UGT1A8: variants seen among roughly 807,000 people sequenced by gnomAD.
UGT1A8 encodes UDP glucuronosyltransferase family 1 member A8.
UGT1A8 carries 39 observed loss-of-function variants against 45.3 expected under a neutral mutation model. That is an observed-to-expected ratio of 0.86 (90% CI 0.67 to 1.12). The LOEUF is 1.12. Ranked by LOEUF, UGT1A8 falls within the 50% of genes most tolerant of loss-of-function variation. The pLI is 0.00. For missense variants in UGT1A8, 719 were observed against 664.9 expected (o/e 1.08, Z -0.90); for synonymous variants, 275 against 249.2 (o/e 1.10, Z -0.97).
At chr2:233,684,065 A>G (rs899835488) in intron 1 of UGT1A8, among the ~76,000 whole-genome samples, 9 of 152,174 alleles carry the variant, frequency 5.9e-5, no homozygotes, top group African/African-American at 2.2e-4. Context: ...GTCTGATCTA[A>G]GTATATTATT....
At chr2:233,723,300 C>G (rs2077076246) in intron 1 of UGT1A8, among the ~76,000 whole-genome samples, 1 of 117,154 alleles carries the variant, frequency 8.5e-6, no homozygotes, top group South Asian at 3.3e-4. Flanking sequence ...ACCTCTGCCT[C>G]CCAGGTTCAA....
chr2:233,768,108 G>A (rs1445815158), intron 3 of UGT1A8, 112 bp from the exon 4 acceptor site: 1 of 1,594,814 alleles, frequency 6.3e-7, no homozygotes, highest in Non-Finnish European at 8.6e-7. Flanking sequence ...GCAAATTTCT[G>A]CAAGGGCATG....
intron 1 of UGT1A8, among the ~76,000 whole-genome samples, chr2:233,635,681 C>A (rs1369492283): frequency 6.6e-6 from 1 of 150,874 alleles, no homozygotes; most frequent in Non-Finnish European, 1.5e-5. Context: ...GAGATGGCAT[C>A]ACCTCTGACT....
At chr2:233,759,500 CTAA>C (rs1055153309) in intron 1 of UGT1A8, among the ~76,000 whole-genome samples, 11 of 152,162 alleles carry the variant, frequency 7.2e-5, no homozygotes, top group Non-Finnish European at 1.6e-4. Flanking sequence ...CAGGTTCACA[CTAA>C]TAAAGGCCTG....
At chr2:233,719,688 G>A in intron 1 of UGT1A8, 1 of 1,614,002 alleles carries the variant, frequency 6.2e-7, no homozygotes, top group Non-Finnish European at 8.5e-7. Context: ...ACTATCTCAG[G>A]TCTGTATTGG....
intron 1 of UGT1A8, among the ~76,000 whole-genome samples, chr2:233,630,817 T>A (rs2073173096): frequency 6.6e-6 from 1 of 152,058 alleles, no homozygotes; most frequent in South Asian, 2.1e-4. Flanking sequence ...CATACTTTTT[T>A]TTTTTTCCTG....
rs1042581 is a variant in UGT1A8, at chr2:233,617,910, A to C, written c.203A>C (p.Lys68Thr). The C allele has an allele frequency of 6.2e-7, 1 of 1,614,010 alleles. No homozygotes were observed. The highest frequency in any genetic ancestry group is 1.3e-5 in the African/African-American group (1 of 74,896). ...VMPEVSWQLG[K>T]SLNCTVKTYS... ...CCAGAGGTGAGTTGGCAACTGGGAA[A>C]ATCACTGAATTGCACAGTGAAGACT... The change falls in exon 1 of 5, where the codon AAA (lysine) becomes ACA (threonine). Residue 68 changes from lysine to threonine, a missense_variant. Transcript: ENST00000373450.
rs1126803 is a variant in UGT1A8, at chr2:233,618,341, A to T, written c.634A>T (p.Met212Leu). 1 of 1,613,948 alleles carries T rather than the reference A, an allele frequency of 6.2e-7. No individual in the cohort carries two copies. The highest frequency in any genetic ancestry group is 8.5e-7 in the Non-Finnish European group (1 of 1,179,858). The change falls in exon 1 of 5, where the codon ATG becomes TTG. Residue 212 changes from methionine (M) to leucine (L), a missense_variant. Physicochemically the swap from Met to Leu is conservative, Grantham distance 15. Transcript: ENST00000373450. Reference sequence around the variant, plus strand: ...CAAGGAGAGAGTACGGAACCACATCATGCACTTGGAGGAACATTTATTTTG... The same window carrying T: ...CAAGGAGAGAGTACGGAACCACATCTTGCACTTGGAGGAACATTTATTTTG... ...TFKERVRNHI[M>L]HLEEHLFCQY...
At chr2:233,654,029 C>A (rs1045644086) in intron 1 of UGT1A8, among the ~76,000 whole-genome samples, 34 of 152,330 alleles carry the variant, frequency 2.2e-4, no homozygotes, top group Admixed American at 2.2e-3. Context: ...TCCATGGAGT[C>A]AAATTTGTGA....
At chr2:233,655,704 G>A (rs868004381) in intron 1 of UGT1A8, among the ~76,000 whole-genome samples, 15 of 152,172 alleles carry the variant, frequency 9.9e-5, no homozygotes, top group African/African-American at 3.1e-4. Flanking sequence ...ACGCCTCTCT[G>A]GCCTCAGGGT....
At chr2:233,724,346 C>A (rs1441595042) in intron 1 of UGT1A8, among the ~76,000 whole-genome samples, 1 of 148,192 alleles carries the variant, frequency 6.7e-6, no homozygotes, top group East Asian at 2.1e-4. Flanking sequence ...GCTGACCCCC[C>A]CCACCTCCCT....
intron 1 of UGT1A8, among the ~76,000 whole-genome samples, chr2:233,662,842 G>T: frequency 6.9e-6 from 1 of 144,730 alleles, no homozygotes; most frequent in Admixed American, 6.9e-5. Flanking sequence ...TGTCAGATAT[G>T]AATTTTGGAC....
intron 1 of UGT1A8, chr2:233,755,670 G>A (rs1695987366): frequency 6.3e-6 from 1 of 158,018 alleles, no homozygotes. Flanking sequence ...AGAGGGTGGT[G>A]GGAGTGAGTT....
At chr2:233,681,934 T>A in intron 1 of UGT1A8, 1 of 1,611,342 alleles carries the variant, frequency 6.2e-7, no homozygotes. Flanking sequence ...GCTGAAGTTC[T>A]CTGATGGCTC....
chr2:233,661,683 T>TTTCTTTCTTTCTTTC (rs1559329478), intron 1 of UGT1A8, among the ~76,000 whole-genome samples: 4 of 39,388 alleles, frequency 1.0e-4, no homozygotes, highest in African/African-American at 3.6e-4. Flanking sequence ...TTCTTTCTTT[T>TTTCTTTCTTTCTTTC]TAAACAAAGG....
intron 1 of UGT1A8, among the ~76,000 whole-genome samples, chr2:233,695,500 T>C (rs1423604345): frequency 2.0e-5 from 3 of 152,070 alleles, no homozygotes; most frequent in African/African-American, 4.8e-5. Context: ...ATCAAAGTTT[T>C]TGGAGTATTA....
At chr2:233,717,422 G>A (rs1452030789) in intron 1 of UGT1A8, among the ~76,000 whole-genome samples, 1 of 152,202 alleles carries the variant, frequency 6.6e-6, no homozygotes, top group African/African-American at 2.4e-5. Context: ...CTTGAGCTGG[G>A]TGTCCCTCTG....
intron 1 of UGT1A8, among the ~76,000 whole-genome samples, chr2:233,737,122 TTGTC>T (rs1485045027): frequency 6.6e-6 from 1 of 152,146 alleles, no homozygotes; most frequent in Admixed American, 6.5e-5. Context: ...TGTTCAGAAG[TTGTC>T]TGCTGCCTTT....
chr2:233,681,746 A>G, intron 1 of UGT1A8: 1 of 802,058 alleles, frequency 1.2e-6, no homozygotes, highest in Non-Finnish European at 1.5e-6. Context: ...GAAAACATAT[A>G]AGCAGGTATC....
Sources: gnomAD v4.1 joint callset for allele counts (sites outside exome capture counted in the v4.1 genomes callset) on GRCh38, gnomAD v4.1.1 for gene constraint, MANE v1.5 for transcripts, NCBI Gene and HGNC (gene_info 2026-07-23, HGNC 2026-07-21) for gene names.